Variants in TMEM132B observed in about 807,000 individuals in gnomAD.
The protein encoded by TMEM132B is transmembrane protein 132B.
Under a neutral mutation model 90.8 loss-of-function variants are expected in TMEM132B, and 18 were observed. The observed-to-expected ratio is 0.20, with a 90% confidence interval of 0.14 to 0.29. The LOEUF (loss-of-function observed/expected upper bound fraction) is 0.29, where lower values mean the gene tolerates loss of function less well. Among genes scored for constraint, TMEM132B ranks in the 10% least tolerant of loss-of-function variants. The pLI is 1.00. For synonymous variants in TMEM132B, 504 were observed against 523.3 expected (o/e 0.96, Z 0.50); for missense variants, 1,096 against 1,326.8 (o/e 0.83, Z 2.70).
chr12:125,226,745 G>A (rs528333969), intron 1 of TMEM132B, among the ~76,000 whole-genome samples: 9 of 152,182 alleles, frequency 5.9e-5, no homozygotes, highest in Non-Finnish European at 1.2e-4. Context: ...ACGTGTCAGG[G>A]TTTATTGGAT....
intron 1 of TMEM132B, among the ~76,000 whole-genome samples, chr12:125,298,666 T>G: frequency 1.6e-5 from 1 of 63,822 alleles, no homozygotes; most frequent in East Asian, 5.3e-4. Flanking sequence ...AGAGTGAGAC[T>G]CTGTCTCAAA....
At chr12:125,507,039 C>G (rs1592961920) in intron 3 of TMEM132B, among the ~76,000 whole-genome samples, 1 of 152,174 alleles carries the variant, frequency 6.6e-6, no homozygotes, top group African/African-American at 2.4e-5. Context: ...TCCTCATGCT[C>G]CTATGGAAGG....
intron 1 of TMEM132B, among the ~76,000 whole-genome samples, chr12:125,315,655 T>C (rs969043810): frequency 6.6e-6 from 1 of 152,020 alleles, no homozygotes; most frequent in African/African-American, 2.4e-5. Context: ...AACAATGGAG[T>C]CACTTGGCCA....
chr12:125,273,660 C>T (rs1333029009), intron 1 of TMEM132B, among the ~76,000 whole-genome samples: 1 of 152,152 alleles, frequency 6.6e-6, no homozygotes, highest in Non-Finnish European at 1.5e-5. Flanking sequence ...CAGCATATCT[C>T]GATTTCCCCT....
At chr12:125,557,956 C>G (rs1293342830) in intron 4 of TMEM132B, among the ~76,000 whole-genome samples, 1 of 152,126 alleles carries the variant, frequency 6.6e-6, no homozygotes, top group African/African-American at 2.4e-5. Flanking sequence ...TGATAAAAGG[C>G]CCTCCTGTGA....
intron 2 of TMEM132B, among the ~76,000 whole-genome samples, chr12:125,399,552 G>A (rs566577933): frequency 6.7e-6 from 1 of 149,348 alleles, no homozygotes; most frequent in East Asian, 2.0e-4. Context: ...GGCATGGAAT[G>A]GATTATCTCT....
intron 5 of TMEM132B, among the ~76,000 whole-genome samples, chr12:125,593,183 C>T (rs1283139117): frequency 2.6e-5 from 4 of 152,130 alleles, no homozygotes; most frequent in Admixed American, 2.6e-4. Flanking sequence ...CTTCTTTATG[C>T]TGGTAATTTG....
intron 5 of TMEM132B, among the ~76,000 whole-genome samples, chr12:125,604,862 G>A (rs774335620): frequency 6.6e-6 from 1 of 152,216 alleles, no homozygotes; most frequent in Non-Finnish European, 1.5e-5. Context: ...GGCTGATTAA[G>A]TTCTCATAGG....
intron 2 of TMEM132B, among the ~76,000 whole-genome samples, chr12:125,392,969 C>T (rs1879069497): frequency 1.3e-5 from 2 of 152,196 alleles, no homozygotes; most frequent in South Asian, 2.1e-4. Context: ...CAGCTTCCCT[C>T]CTGCGTAGCC....
intron 3 of TMEM132B, among the ~76,000 whole-genome samples, chr12:125,518,398 C>T (rs78844646): frequency 0.01 from 1,538 of 152,278 alleles, 71 homozygotes; most frequent in Admixed American, 0.072. Flanking sequence ...GACTTCTCAG[C>T]CTACATTGGT....
rs115234964 is a variant in TMEM132B at position 125,496,294 on chromosome 12, A to G, written c.1107-23145A>G. Among the ~76,000 whole-genome samples the G allele has an allele frequency of 4.1e-3, 628 of 152,274 alleles. 5 individuals are homozygous for G. Among genetic ancestry groups the G allele is most frequent in the African/African-American group, 0.014 (588 of 41,546 alleles). On this transcript the variant is annotated intron_variant, in intron 3 of 8. Coordinates refer to ENST00000682704, the MANE Select transcript of TMEM132B (RefSeq NM_001366854.1). ...ATTTTCTGGAAAGATTAGGCTACCA[A>G]TGGAAGAAAGTACTAGGCTTTAAGA...
intron 5 of TMEM132B, chr12:125,584,868 C>T (rs972603413): frequency 2.0e-5 from 3 of 152,208 alleles, no homozygotes; most frequent in African/African-American, 7.2e-5. Flanking sequence ...GATCCTTCCT[C>T]CTTTAAATTA....
chr12:125,206,771 A>G (rs1422485857), intron 1 of TMEM132B, among the ~76,000 whole-genome samples: 1 of 152,130 alleles, frequency 6.6e-6, no homozygotes, highest in Non-Finnish European at 1.5e-5. Flanking sequence ...CAGGGGATTC[A>G]TTTCGAGTTG....
intron 4 of TMEM132B, among the ~76,000 whole-genome samples, chr12:125,561,990 T>C (rs1884544296): frequency 6.6e-6 from 1 of 152,342 alleles, no homozygotes. Context: ...CTAGATAGTA[T>C]CTTCTTCCAA....
At chr12:125,195,415 T>TTG (rs1872902582) in intron 1 of TMEM132B, among the ~76,000 whole-genome samples, 1 of 146,116 alleles carries the variant, frequency 6.8e-6, no homozygotes, top group East Asian at 2.0e-4. Flanking sequence ...TTTTTTTTTT[T>TTG]GAGATGGAGT....
intron 4 of TMEM132B, among the ~76,000 whole-genome samples, chr12:125,547,040 T>A (rs1884108898): frequency 6.6e-6 from 1 of 152,204 alleles, no homozygotes; most frequent in South Asian, 2.1e-4. Context: ...ACTAATTCAC[T>A]ATCATGAGAA....
At chr12:125,372,445 C>T (rs367843005) in intron 2 of TMEM132B, among the ~76,000 whole-genome samples, 12 of 152,162 alleles carry the variant, frequency 7.9e-5, no homozygotes, top group African/African-American at 2.4e-4. Context: ...TGGCGGTTTT[C>T]CTCTCAATGG....
chr12:125,271,723 G>T (rs185651433), intron 1 of TMEM132B, among the ~76,000 whole-genome samples: 160 of 151,540 alleles, frequency 1.1e-3, no homozygotes, highest in African/African-American at 3.1e-3. Context: ...CCAAACTTTG[G>T]TTTTTTTAAT....
At chr12:125,554,288 G>C (rs1447886252) in intron 4 of TMEM132B, among the ~76,000 whole-genome samples, 1 of 151,654 alleles carries the variant, frequency 6.6e-6, no homozygotes, top group Non-Finnish European at 1.5e-5. Context: ...AGCCTGGCAT[G>C]GTGGTGGGCG....
Sources: gnomAD v4.1 joint callset for allele counts (sites outside exome capture counted in the v4.1 genomes callset) on GRCh38, gnomAD v4.1.1 for gene constraint, MANE v1.5 for transcripts, NCBI Gene and HGNC (gene_info 2026-07-23, HGNC 2026-07-21) for gene names.